Variants in RABGAP1L observed in about 807,000 individuals in gnomAD.
RABGAP1L encodes the protein RAB GTPase activating protein 1 like, also known as rab GTPase-activating protein 1-like.
RABGAP1L carries 63 observed loss-of-function variants against 137.7 expected under a neutral mutation model. That is an observed-to-expected ratio of 0.46 (90% CI 0.37 to 0.56). The LOEUF (loss-of-function observed/expected upper bound fraction) is 0.56, where lower values mean the gene tolerates loss of function less well. Ranked by LOEUF, RABGAP1L falls within the 20% of genes least tolerant of loss-of-function variation. RABGAP1L has a pLI of 0.00. For missense variants in RABGAP1L, 1,095 were observed against 1,244.0 expected (o/e 0.88, Z 1.80); for synonymous variants, 431 against 433.7 (o/e 0.99, Z 0.08).
At chr1:174,621,970 T>C (rs1227353097) in intron 13 of RABGAP1L, among the ~76,000 whole-genome samples, 3 of 152,080 alleles carry the variant, frequency 2.0e-5, no homozygotes, top group East Asian at 3.8e-4. Flanking sequence ...AAAGGGCTAA[T>C]ATCCAGAATC....
intron 10 of RABGAP1L, among the ~76,000 whole-genome samples, chr1:174,292,528 G>C (rs906163635): frequency 1.3e-5 from 2 of 151,760 alleles, no homozygotes; most frequent in African/African-American, 4.8e-5. Context: ...TCATTCAGAA[G>C]CATATTGTTT....
At chr1:174,553,075 G>T (rs775550505) in intron 13 of RABGAP1L, among the ~76,000 whole-genome samples, 4 of 152,010 alleles carry the variant, frequency 2.6e-5, no homozygotes, top group Admixed American at 6.6e-5. Context: ...TTTTAATGAG[G>T]TTGTTTTTTT....
At chr1:174,587,632 A>G (rs1018054314) in intron 13 of RABGAP1L, among the ~76,000 whole-genome samples, 15 of 152,090 alleles carry the variant, frequency 9.9e-5, no homozygotes, top group African/African-American at 3.6e-4. Flanking sequence ...AATTAAAAGA[A>G]TAAAATAATG....
chr1:174,769,267 A>G (rs929072658), intron 18 of RABGAP1L, among the ~76,000 whole-genome samples: 4 of 151,926 alleles, frequency 2.6e-5, no homozygotes, highest in South Asian at 2.1e-4. Flanking sequence ...TGGGGGCACA[A>G]TCATAGGGGT....
chr1:174,319,897 C>T (rs1037243999), intron 11 of RABGAP1L, among the ~76,000 whole-genome samples: 3 of 149,546 alleles, frequency 2.0e-5, no homozygotes, highest in African/African-American at 7.5e-5. Context: ...TTTCTCGTGC[C>T]TTGCCATTTT....
At chr1:174,194,596 T>C (rs1303445055) in intron 1 of RABGAP1L, among the ~76,000 whole-genome samples, 1 of 152,204 alleles carries the variant, frequency 6.6e-6, no homozygotes, top group Non-Finnish European at 1.5e-5. Context: ...AGACCAGTTC[T>C]GAGAAAGTGA....
At chr1:174,464,398 C>A (rs1657063030) in intron 13 of RABGAP1L, among the ~76,000 whole-genome samples, 1 of 152,090 alleles carries the variant, frequency 6.6e-6, no homozygotes, top group Non-Finnish European at 1.5e-5. Flanking sequence ...CAAAATAGAA[C>A]TCTTCAAATC....
chr1:174,833,466 A>ATATAT lies in RABGAP1L; in HGVS notation c.2340+21508_2340+21509insTATTA, dbSNP rs71117580. Among the ~76,000 whole-genome samples, 51 of 61,166 alleles carry ATATAT rather than the reference A, an allele frequency of 8.3e-4. 13 individuals carry two copies. The highest frequency in any genetic ancestry group is 2.8e-3 in the South Asian group (4 of 1,444). The allele number at this position is 61,166 out of a possible 152,430, so 40.1% of individuals were successfully genotyped here. On this transcript the variant is annotated intron_variant, in intron 19 of 25. Transcript: ENST00000681986. ...TGTGTAGAGATATATATATATATAT[A>ATATAT]TAGTAGAGACAGGGTTCTGTCATGT...
chr1:174,449,178 C>A, intron 13 of RABGAP1L: 1 of 1,600,094 alleles, frequency 6.2e-7, no homozygotes, highest in Non-Finnish European at 8.5e-7. Context: ...AGGAAACGGG[C>A]TAATTCTTGC....
At chr1:174,383,842 G>T (rs760157586) in intron 12 of RABGAP1L, among the ~76,000 whole-genome samples, 11 of 152,258 alleles carry the variant, frequency 7.2e-5, no homozygotes, top group Middle Eastern at 6.8e-3. Context: ...TATGTTGCTG[G>T]TGGAAATACA....
At chr1:174,296,779 GTTGCTA>G (rs1677167181) in intron 10 of RABGAP1L, among the ~76,000 whole-genome samples, 1 of 152,002 alleles carries the variant, frequency 6.6e-6, no homozygotes, top group African/African-American at 2.4e-5. Flanking sequence ...GATACCAGCT[GTTGCTA>G]CTCTGATAAA....
chr1:174,230,015 T>C (rs1670502812), intron 3 of RABGAP1L, among the ~76,000 whole-genome samples: 1 of 152,088 alleles, frequency 6.6e-6, no homozygotes, highest in South Asian at 2.1e-4. Context: ...CCAACAATGA[T>C]AGACTGGATT....
At chr1:174,455,041 A>G (rs1038870206) in intron 13 of RABGAP1L, among the ~76,000 whole-genome samples, 2 of 152,178 alleles carry the variant, frequency 1.3e-5, no homozygotes, top group African/African-American at 4.8e-5. Flanking sequence ...CTGCTTTTAT[A>G]TATGACTTTC....
rs533081236 is a variant in RABGAP1L at position 174,216,377 on chromosome 1, T to A, written c.-33-2748T>A. Among the ~76,000 whole-genome samples the A allele has an allele frequency of 7.2e-5, 11 of 152,282 alleles. 1 individual carries two copies. The South Asian group carries it at 2.3e-3, about 32-fold the overall frequency. On this transcript the variant is annotated intron_variant, in intron 1 of 25. Transcript: ENST00000681986. ...TTGCCCTGATGTGATTATTATGCAT[T>A]TCATGCCTATGTAAAAGTATCTCAC...
At chr1:174,195,872 A>G (rs1191350283) in intron 1 of RABGAP1L, among the ~76,000 whole-genome samples, 40 of 111,072 alleles carry the variant, frequency 3.6e-4, no homozygotes, top group African/African-American at 1.1e-3. Context: ...GTCTTGCTCT[A>G]TCGTCCAGGC....
chr1:174,618,456 T>A (rs547176142), intron 13 of RABGAP1L, among the ~76,000 whole-genome samples: 2 of 152,170 alleles, frequency 1.3e-5, no homozygotes, highest in Non-Finnish European at 2.9e-5. Context: ...TCCAGAGGAA[T>A]GATCAGGCAG....
intron 13 of RABGAP1L, among the ~76,000 whole-genome samples, chr1:174,618,060 C>T (rs1399290391): frequency 6.6e-6 from 1 of 152,172 alleles, no homozygotes; most frequent in African/African-American, 2.4e-5. Context: ...ACAGGAGTCT[C>T]AGATCAAACT....
intron 1 of RABGAP1L, among the ~76,000 whole-genome samples, chr1:174,213,028 G>T (rs1356151500): frequency 6.6e-6 from 1 of 152,176 alleles, no homozygotes. Context: ...AACAAGTAAT[G>T]AGATTGAAGC....
Position 174,805,500 on chromosome 1 carries a change from C to CTTATT in RABGAP1L, c.2212-6319_2212-6315dup, listed in dbSNP as rs1159384146. On this transcript the variant is annotated intron_variant, in intron 18 of 25. Transcript: ENST00000681986. ...TTCAAAAAGTTATCCTTTATTAGTTCTTATTTTATTTTATTTTTGGAGACA... is the reference window on the plus strand; with the variant it reads ...TTCAAAAAGTTATCCTTTATTAGTTCTTATTTTATTTTATTTTATTTTTGGAGACA... Among the ~76,000 whole-genome samples the CTTATT allele has an allele frequency of 3.6e-4, 54 of 152,014 alleles. 1 individual carries two copies. Among genetic ancestry groups the CTTATT allele is most frequent in the African/African-American group, 1.2e-3 (48 of 41,508 alleles).
Sources: allele counts gnomAD v4.1 joint callset (sites outside exome capture counted in the v4.1 genomes callset), GRCh38; gene constraint gnomAD v4.1.1; transcripts MANE v1.5; gene names NCBI Gene and HGNC (gene_info 2026-07-23, HGNC 2026-07-21).